TNFRSF10B: variants seen among roughly 807,000 people sequenced by gnomAD.
TNFRSF10B encodes TNF receptor superfamily member 10b.
In TNFRSF10B, 35 loss-of-function variants were observed where a neutral mutation model predicts 41.4. That is an observed-to-expected ratio of 0.85 (90% CI 0.65 to 1.12). TNFRSF10B has a LOEUF of 1.12. Ranked by LOEUF, TNFRSF10B falls within the 50% of genes most tolerant of loss-of-function variation. The pLI, the probability that TNFRSF10B is intolerant of heterozygous loss-of-function variation, is 0.00. For synonymous variants in TNFRSF10B, 230 were observed against 215.5 expected (o/e 1.07, Z -0.59); for missense variants, 584 against 552.7 (o/e 1.06, Z -0.57).
intron 3 of TNFRSF10B, among the ~76,000 whole-genome samples, chr8:23,030,038 C>T (rs552468517): frequency 6.6e-4 from 101 of 152,242 alleles, no homozygotes; most frequent in African/African-American, 2.2e-3. Flanking sequence ...ACCTGAGAGA[C>T]TGCAAGGAGA....
At chr8:23,033,311 G>T (rs992680519) in intron 2 of TNFRSF10B, among the ~76,000 whole-genome samples, 5 of 152,128 alleles carry the variant, frequency 3.3e-5, no homozygotes, top group Non-Finnish European at 5.9e-5. Context: ...GAGGCCGGGT[G>T]CGGTGGCTCA....
At chr8:23,025,104 T>C (rs1811664833) in intron 7 of TNFRSF10B, among the ~76,000 whole-genome samples, 1 of 152,180 alleles carries the variant, frequency 6.6e-6, no homozygotes, top group Admixed American at 6.5e-5. Context: ...TGAGCCATGA[T>C]TGTACCACTG....
At position 23,020,989 on chromosome 8, in the gene TNFRSF10B, C is replaced by A. The variant is rs1286061122; in HGVS notation, c.*1682G>T. On this transcript the variant is annotated 3_prime_UTR_variant, in exon 9 of 9. Coordinates refer to ENST00000276431, the MANE Select transcript of TNFRSF10B (RefSeq NM_003842.5). ...CCCCCCACTCCTAAAACTCCACAGA[C>A]ACAACAGTCTGAATGTGTGATCTTC... is the stretch of plus-strand genomic sequence containing the variant. 2.2e-6 allele frequency: 1 copy of A among 454,012 alleles called. No homozygotes were observed. The highest frequency in any genetic ancestry group is 2.0e-5 in the African/African-American group (1 of 50,008). The allele number at this position is 454,012 out of a possible 1,614,324, so 28.1% of individuals were successfully genotyped here. A position where few individuals can be genotyped will look rare whatever the true frequency, so the allele number is the denominator to read the frequency against.
Position 23,022,681 on chromosome 8 carries a change from G to T in TNFRSF10B, c.1313C>A (p.Ala438Asp), listed in dbSNP as rs1248101177. 1 of 1,613,982 alleles carries T rather than the reference G, an allele frequency of 6.2e-7. No individual in the cohort carries two copies. Among genetic ancestry groups the T allele is most frequent in the Admixed American group, 1.7e-5 (1 of 60,010 alleles). Residue 438 changes from alanine (A) to aspartate (D), a missense_variant, in exon 9 of 9, where the codon GCC becomes GAC. Coordinates refer to ENST00000276431, the MANE Select transcript of TNFRSF10B (RefSeq NM_003842.5). ...TGAAGAGAATCACACTTAGGACATG[G>T]CAGAGTCTGCATTACCTTCTAGATA... ...FMYLEGNADS[A>D]MS
Position 23,066,007 on chromosome 8 carries a change from G to A in TNFRSF10B, c.144+2744C>T, listed in dbSNP as rs141552307. ...CACCACCACCAAAATCATAGGTTGC[G>A]CACGGTGGCTCAGGCCTGTAATCCC... On this transcript the variant is annotated intron_variant, in intron 1 of 8. Transcript: ENST00000276431. 5.9e-5 allele frequency among the ~76,000 whole-genome samples: 9 copies of A among 152,274 alleles called. 1 individual carries two copies. In the South Asian group the frequency reaches 1.5e-3, roughly 25 times the overall value.
rs138371832 is a variant in TNFRSF10B, at chr8:23,049,056, T to C, written c.145-5813A>G. Among the ~76,000 whole-genome samples, 3 of 152,176 alleles carry C rather than the reference T, an allele frequency of 2.0e-5. No individual in the cohort carries two copies. The East Asian group carries it at 5.8e-4, about 29-fold the overall frequency. ...GTCTACTATATTAAAAACAACAGCATGGAAAATAACAAGTGCTGGTGAGGT... is the reference window on the plus strand; with the variant it reads ...GTCTACTATATTAAAAACAACAGCACGGAAAATAACAAGTGCTGGTGAGGT... On this transcript the variant is annotated intron_variant, in intron 1 of 8. Transcript: ENST00000276431.
At chr8:23,064,578 G>A (rs1812929660) in intron 1 of TNFRSF10B, among the ~76,000 whole-genome samples, 1 of 152,138 alleles carries the variant, frequency 6.6e-6, no homozygotes, top group African/African-American at 2.4e-5. Context: ...TTCAGTTCTT[G>A]TCCCATTGAA....
intron 2 of TNFRSF10B, among the ~76,000 whole-genome samples, chr8:23,038,730 C>A (rs1236164024): frequency 6.6e-6 from 1 of 152,056 alleles, no homozygotes. Flanking sequence ...GAAATATAAT[C>A]TTATTATTTC....
At chr8:23,064,557 G>A (rs1348526953) in intron 1 of TNFRSF10B, among the ~76,000 whole-genome samples, 1 of 152,110 alleles carries the variant, frequency 6.6e-6, no homozygotes, top group Non-Finnish European at 1.5e-5. Context: ...GAGGTCAGGG[G>A]TTTGGCTTAT....
chr8:23,069,021 G>C lies in TNFRSF10B; in HGVS notation c.-127C>G. ...GTTCTCCGGCCGCGTGCTGATTTAT[G>C]TGTCCAGGCTGACTTGGGGCGGCGC... On this transcript the variant is annotated 5_prime_UTR_variant, in exon 1 of 9. Transcript: ENST00000276431. 1 of 1,481,016 alleles carries C rather than the reference G, an allele frequency of 6.8e-7. No homozygotes were observed. The allele number at this position is 1,481,016 out of a possible 1,614,324, so 91.7% of individuals were successfully genotyped here.
intron 2 of TNFRSF10B, among the ~76,000 whole-genome samples, chr8:23,031,372 G>A (rs182689873): frequency 0.012 from 1,355 of 117,302 alleles, 17 homozygotes; most frequent in African/African-American, 0.036. Flanking sequence ...CACTGCACCC[G>A]GCCTATTTAT....
chr8:23,039,072 C>G (rs1224818032), intron 2 of TNFRSF10B, among the ~76,000 whole-genome samples: 1 of 151,714 alleles, frequency 6.6e-6, no homozygotes, highest in Admixed American at 6.6e-5. Flanking sequence ...TGATGGGAGA[C>G]AGTGACAGAT....
chr8:23,044,946 T>C (rs1468029645), intron 1 of TNFRSF10B, among the ~76,000 whole-genome samples: 3 of 151,234 alleles, frequency 2.0e-5, no homozygotes, highest in Non-Finnish European at 4.4e-5. Flanking sequence ...CCAGGTGCAG[T>C]GGCTCATGCC....
chr8:23,035,500 A>G (rs1368799205), intron 2 of TNFRSF10B, among the ~76,000 whole-genome samples: 3 of 152,172 alleles, frequency 2.0e-5, no homozygotes, highest in African/African-American at 7.2e-5. Flanking sequence ...GATCCATTAT[A>G]CTGATGACAT....
chr8:23,021,420 C>T lies in TNFRSF10B; in HGVS notation c.*1251G>A, dbSNP rs778016152. ...TACTCCTGAGATGGCAACCATTTCA[C>T]ACCATTCTCAAGCACCATCTACTCT... On this transcript the variant is annotated 3_prime_UTR_variant, in exon 9 of 9. Coordinates refer to ENST00000276431, the MANE Select transcript of TNFRSF10B (RefSeq NM_003842.5). 1 of 454,140 alleles carries T rather than the reference C, an allele frequency of 2.2e-6. No individual in the cohort carries two copies. Among genetic ancestry groups the T allele is most frequent in the East Asian group, 7.0e-5 (1 of 14,384 alleles). 28.1% of individuals were successfully genotyped at this position (454,140 alleles called of 1,614,324 possible).
intron 8 of TNFRSF10B, 68 bp downstream of exon 8, chr8:23,024,120 G>C: frequency 6.3e-7 from 1 of 1,599,810 alleles, no homozygotes; most frequent in South Asian, 1.1e-5. Context: ...TGACCTCTGG[G>C]GACAGCAGTT....
At chr8:23,027,576 C>T in intron 6 of TNFRSF10B, 146 bp downstream of exon 6, 1 of 1,109,820 alleles carries the variant, frequency 9.0e-7, no homozygotes, top group Non-Finnish European at 1.3e-6. Flanking sequence ...GCCATGTGTC[C>T]CCCACAGTCA....
At position 23,024,249 on chromosome 8, in the gene TNFRSF10B, T is replaced by G. The variant is rs771417994; in HGVS notation, c.948A>C (p.Glu316Asp). The change falls in exon 8 of 9, where the codon GAA becomes GAC. Residue 316 changes from glutamate to aspartate, a missense_variant. Glu to Asp is a conservative substitution (Grantham distance 45). Coordinates refer to ENST00000276431, the MANE Select transcript of TNFRSF10B (RefSeq NM_003842.5). The stretch of plus-strand genomic sequence containing the variant: ...GCCTCCTCCTCTGAGACCTTTCAGC[T>G]TCTGCCGGTTCCTGTAACACATAGT... ...GESEHLLEPA[E>D]AERSQRRRLL... 1.2e-6 allele frequency: 2 copies of G among 1,613,974 alleles called. No homozygotes were observed. The highest frequency in any genetic ancestry group is 2.7e-5 in the African/African-American group (2 of 74,898).
At chr8:23,052,763 C>G (rs959945537) in intron 1 of TNFRSF10B, among the ~76,000 whole-genome samples, 1 of 152,126 alleles carries the variant, frequency 6.6e-6, no homozygotes, top group African/African-American at 2.4e-5. Flanking sequence ...TTATGCAGGT[C>G]AAATACTAGG....
Sources: allele counts gnomAD v4.1 joint callset (sites outside exome capture counted in the v4.1 genomes callset), GRCh38; gene constraint gnomAD v4.1.1; transcripts MANE v1.5; gene names NCBI Gene and HGNC (gene_info 2026-07-23, HGNC 2026-07-21).